TOP6BL: variants seen among roughly 807,000 people sequenced by gnomAD.
TOP6BL encodes the protein type 2 DNA topoisomerase 6 subunit B-like.
At chr11:66,813,776 T>C in the TOP6BL span, 14 of 1,267,956 alleles carry the variant, frequency 1.1e-5, no homozygotes, top group African/African-American at 1.9e-4. Context: ...TATGGGAGTG[T>C]AAACCAGGTC....
the TOP6BL span, among the ~76,000 whole-genome samples, chr11:66,801,808 C>T: frequency 1.3e-5 from 2 of 151,794 alleles, no homozygotes; most frequent in Admixed American, 6.6e-5. Context: ...TGCACTCCAG[C>T]GACAGAGCAA....
At chr11:66,776,101 C>T in the TOP6BL span, among the ~76,000 whole-genome samples, 1 of 151,864 alleles carries the variant, frequency 6.6e-6, no homozygotes, top group African/African-American at 2.4e-5. Context: ...CTCTGTCACC[C>T]AGGCTGGAGT....
At chr11:66,772,597 C>T in the TOP6BL span, among the ~76,000 whole-genome samples, 19 of 152,316 alleles carry the variant, frequency 1.2e-4, no homozygotes, top group African/African-American at 4.1e-4. Context: ...GGCGAAACCC[C>T]GTCTCTACTA....
At chr11:66,828,554 T>G in the TOP6BL span, 9 of 561,788 alleles carry the variant, frequency 1.6e-5, no homozygotes, top group African/African-American at 1.1e-4. Context: ...GGTTGCCTGG[T>G]GTCCAATGTC....
chr11:66,842,750 G>C, the TOP6BL span: 3 of 1,206,266 alleles, frequency 2.5e-6, no homozygotes, highest in Non-Finnish European at 3.4e-6. Flanking sequence ...GCGGTGGGAA[G>C]AGCCCCTCGG....
the TOP6BL span, among the ~76,000 whole-genome samples, chr11:66,783,399 A>G: frequency 1.1e-4 from 17 of 152,106 alleles, no homozygotes; most frequent in African/African-American, 3.4e-4. Flanking sequence ...TGATAGGTAG[A>G]TAGATAAGTA....
the TOP6BL span, chr11:66,838,321 G>A: frequency 1.2e-4 from 188 of 1,561,764 alleles, no homozygotes; most frequent in African/African-American, 2.0e-3. Flanking sequence ...ACTAGGGCTC[G>A]TTCATGTTTC....
chr11:66,754,536 T>A, the TOP6BL span, among the ~76,000 whole-genome samples: 1 of 152,232 alleles, frequency 6.6e-6, no homozygotes, highest in Non-Finnish European at 1.5e-5. Flanking sequence ...TTTTAAGAGT[T>A]AGAGACTATA....
the TOP6BL span, among the ~76,000 whole-genome samples, chr11:66,777,994 G>T: frequency 6.6e-6 from 1 of 152,084 alleles, no homozygotes; most frequent in South Asian, 2.1e-4. Context: ...AAGTTAATGA[G>T]ATGGTTAAAA....
At chr11:66,815,694 A>G in the TOP6BL span, 1 of 193,640 alleles carries the variant, frequency 5.2e-6, no homozygotes, top group Admixed American at 5.5e-5. Context: ...GGCACATAAC[A>G]CAAATTAGCT....
chr11:66,802,886 T>G, the TOP6BL span, among the ~76,000 whole-genome samples: 3 of 152,210 alleles, frequency 2.0e-5, no homozygotes, highest in Non-Finnish European at 4.4e-5. Flanking sequence ...TTTGAGCCAA[T>G]TTTTGTAGAT....
At chr11:66,833,602 G>T in the TOP6BL span, among the ~76,000 whole-genome samples, 1 of 151,992 alleles carries the variant, frequency 6.6e-6, no homozygotes, top group Non-Finnish European at 1.5e-5. Context: ...GAGTGCTTCA[G>T]CCTCTGAAGT....
At chr11:66,788,228 C>T in the TOP6BL span, 2 of 1,613,728 alleles carry the variant, frequency 1.2e-6, no homozygotes, top group African/African-American at 2.7e-5. Context: ...CAGCTATTCT[C>T]AGGATATGAC....
the TOP6BL span, among the ~76,000 whole-genome samples, chr11:66,764,425 G>A: frequency 8.0e-5 from 12 of 150,808 alleles, no homozygotes; most frequent in East Asian, 3.9e-4. Flanking sequence ...AGGCCTAGGC[G>A]GGCGGATCAC....
chr11:66,836,293 T>A, the TOP6BL span, among the ~76,000 whole-genome samples: 1 of 152,024 alleles, frequency 6.6e-6, no homozygotes, highest in Non-Finnish European at 1.5e-5. Flanking sequence ...CTCGGCTCAC[T>A]GCAAGCTCCA....
At chr11:66,744,850 G>T in the TOP6BL span, 2 of 1,316,754 alleles carry the variant, frequency 1.5e-6, no homozygotes, top group South Asian at 2.5e-5. Flanking sequence ...CGGCGGGCGG[G>T]TACCCTTCGA....
chr11:66,785,959 AAAG>A, the TOP6BL span, among the ~76,000 whole-genome samples: 3 of 152,036 alleles, frequency 2.0e-5, no homozygotes, highest in Non-Finnish European at 4.4e-5. Context: ...TGTTCTTTTC[AAAG>A]GAGGAGAAAG....
the TOP6BL span, among the ~76,000 whole-genome samples, chr11:66,832,405 T>G: frequency 6.6e-6 from 1 of 152,302 alleles, no homozygotes; most frequent in African/African-American, 2.4e-5. Context: ...ATGGACACTG[T>G]TTCTGAGAAA....
chr11:66,773,717 AT>A, the TOP6BL span, among the ~76,000 whole-genome samples: 1 of 152,142 alleles, frequency 6.6e-6, no homozygotes, highest in East Asian at 1.9e-4. Context: ...CGCTAAAGTC[AT>A]AATGACATTT....
Sources: allele counts gnomAD v4.1 joint callset (sites outside exome capture counted in the v4.1 genomes callset), GRCh38; gene constraint gnomAD v4.1.1; transcripts MANE v1.5; gene names NCBI Gene and HGNC (gene_info 2026-07-23, HGNC 2026-07-21).